Variants in ITGB5 observed in about 807,000 individuals in gnomAD.
The protein encoded by ITGB5 is integrin subunit beta 5.
In ITGB5, 38 loss-of-function variants were observed where a neutral mutation model predicts 84.8. The observed-to-expected ratio is 0.45, with a 90% CI of 0.35 to 0.59. The LOEUF is 0.59. ITGB5 is among the 20% of genes least tolerant of loss of function. ITGB5 has a pLI of 0.01. For synonymous variants in ITGB5, 393 were observed against 414.4 expected (o/e 0.95, Z 0.63); for missense variants, 905 against 1,034.5 (o/e 0.87, Z 1.72).
intron 9 of ITGB5, among the ~76,000 whole-genome samples, chr3:124,798,055 CTT>C (rs60292129): frequency 1.6e-4 from 17 of 103,582 alleles, no homozygotes; most frequent in African/African-American, 2.0e-4. Flanking sequence ...TAGAATAAAG[CTT>C]TTTTTTTTTT....
intron 2 of ITGB5, among the ~76,000 whole-genome samples, chr3:124,871,052 G>A (rs1934006321): frequency 6.6e-6 from 1 of 152,068 alleles, no homozygotes; most frequent in African/African-American, 2.4e-5. Flanking sequence ...AGCACACCCA[G>A]CTAATTTTTT....
At chr3:124,765,168 G>A (rs977953880) in intron 13 of ITGB5, among the ~76,000 whole-genome samples, 30 of 152,252 alleles carry the variant, frequency 2.0e-4, no homozygotes, top group African/African-American at 6.3e-4. Context: ...CAGTGCTGTC[G>A]ATTGAAGAGA....
chr3:124,879,358 C>A (rs2107648055), intron 1 of ITGB5, among the ~76,000 whole-genome samples: 1 of 152,348 alleles, frequency 6.6e-6, no homozygotes, highest in African/African-American at 2.4e-5. Context: ...AATACAGAAG[C>A]TGAAATGGCC....
intron 1 of ITGB5, among the ~76,000 whole-genome samples, chr3:124,880,878 A>G (rs1226965620): frequency 6.6e-6 from 1 of 152,020 alleles, no homozygotes; most frequent in Non-Finnish European, 1.5e-5. Flanking sequence ...GCAGTGAGTC[A>G]AGATCACACC....
chr3:124,850,834 G>C (rs1455003681), intron 3 of ITGB5, among the ~76,000 whole-genome samples: 1 of 152,184 alleles, frequency 6.6e-6, no homozygotes. Flanking sequence ...TCCCGCCAGA[G>C]GGCTCCTTGG....
intron 10 of ITGB5, among the ~76,000 whole-genome samples, chr3:124,778,801 G>C (rs2150943936): frequency 6.6e-6 from 1 of 152,344 alleles, no homozygotes; most frequent in Middle Eastern, 3.4e-3. Flanking sequence ...GATCACAGTA[G>C]AGATGGAGTG....
chr3:124,817,860 G>C, intron 7 of ITGB5, 150 bp from the exon 8 acceptor site: 1 of 588,446 alleles, frequency 1.7e-6, no homozygotes, highest in African/African-American at 2.0e-5. Context: ...GATCCCACAG[G>C]GAAAAGCAAG....
At chr3:124,863,882 G>A (rs1363989814) in intron 2 of ITGB5, among the ~76,000 whole-genome samples, 3 of 151,364 alleles carry the variant, frequency 2.0e-5, no homozygotes, top group Non-Finnish European at 4.4e-5. Context: ...ACAGAGACCA[G>A]GGGCATATCT....
At position 124,876,304 on chromosome 3, in the gene ITGB5, AAAAAG is replaced by A. The variant is rs574224808; in HGVS notation, c.71-2778_71-2774del. Among the ~76,000 whole-genome samples, 342 of 152,286 alleles carry A rather than the reference AAAAAG, an allele frequency of 2.2e-3. 2 individuals carry two copies. The highest frequency in any genetic ancestry group is 8.0e-3 in the African/African-American group (331 of 41,544). ...TTGTCAACTACCTCCATAAAGCTGG[AAAAAG>A]AAAAGAAAAATTTAAAAAGTAAAAG... On this transcript the variant is annotated intron_variant, in intron 1 of 14. Transcript: ENST00000296181.
At chr3:124,794,806 A>AAGAAAG (rs1553756409) in intron 10 of ITGB5, among the ~76,000 whole-genome samples, 2 of 150,592 alleles carry the variant, frequency 1.3e-5, no homozygotes, top group South Asian at 2.1e-4. Flanking sequence ...ACAAGAAAGA[A>AAGAAAG]AGAGAGAGAG....
intron 3 of ITGB5, among the ~76,000 whole-genome samples, chr3:124,849,668 C>G (rs1250939021): frequency 6.6e-6 from 1 of 151,926 alleles, no homozygotes; most frequent in African/African-American, 2.4e-5. Context: ...AGCCAACAGG[C>G]AGAGAAAAGG....
chr3:124,823,203 C>G (rs2064732897), intron 5 of ITGB5, among the ~76,000 whole-genome samples: 1 of 152,074 alleles, frequency 6.6e-6, no homozygotes, highest in African/African-American at 2.4e-5. Flanking sequence ...TTTGAGACTG[C>G]AGTGAGCTAT....
At chr3:124,843,891 A>G (rs2065042515) in intron 4 of ITGB5, among the ~76,000 whole-genome samples, 1 of 152,216 alleles carries the variant, frequency 6.6e-6, no homozygotes, top group Non-Finnish European at 1.5e-5. Flanking sequence ...TTAAAGAGCC[A>G]AGGGAGTGTC....
intron 3 of ITGB5, among the ~76,000 whole-genome samples, chr3:124,855,026 A>G (rs574158893): frequency 6.6e-5 from 10 of 152,230 alleles, no homozygotes; most frequent in African/African-American, 2.2e-4. Context: ...AAAATATACA[A>G]TGGAGGCCCA....
At chr3:124,850,590 G>A (rs2065138367) in intron 3 of ITGB5, among the ~76,000 whole-genome samples, 1 of 150,916 alleles carries the variant, frequency 6.6e-6, no homozygotes, top group Non-Finnish European at 1.5e-5. Flanking sequence ...TATACCTAAT[G>A]CTAGATGACG....
At chr3:124,864,807 A>T (rs1466164301) in intron 2 of ITGB5, among the ~76,000 whole-genome samples, 2 of 152,180 alleles carry the variant, frequency 1.3e-5, no homozygotes, top group African/African-American at 4.8e-5. Flanking sequence ...CTGATGGCGT[A>T]ACAGTTTCAG....
At chr3:124,860,461 A>G (rs1474777476) in intron 2 of ITGB5, among the ~76,000 whole-genome samples, 1 of 152,256 alleles carries the variant, frequency 6.6e-6, no homozygotes, top group Admixed American at 6.5e-5. Context: ...ATAACGACAC[A>G]TTGATAAGAA....
chr3:124,897,790 A>T (rs1935135318), intron 1 of ITGB5, among the ~76,000 whole-genome samples: 2 of 152,190 alleles, frequency 1.3e-5, no homozygotes, highest in Non-Finnish European at 2.9e-5. Context: ...TGGGTCTCAA[A>T]GGATAAGGAA....
chr3:124,852,710 C>T (rs2065174158), intron 3 of ITGB5, among the ~76,000 whole-genome samples: 1 of 152,054 alleles, frequency 6.6e-6, no homozygotes, highest in Non-Finnish European at 1.5e-5. Context: ...TTTTTTGAGA[C>T]ACGGTCTTGT....
Sources: gnomAD v4.1 joint callset for allele counts (sites outside exome capture counted in the v4.1 genomes callset) on GRCh38, gnomAD v4.1.1 for gene constraint, MANE v1.5 for transcripts, NCBI Gene and HGNC (gene_info 2026-07-23, HGNC 2026-07-21) for gene names.